ZNF83: variants seen among roughly 807,000 people sequenced by gnomAD.
ZNF83 encodes zinc finger protein 816B.
For synonymous variants in ZNF83, 209 were observed against 213.0 expected (o/e 0.98, Z 0.17); for missense variants, 552 against 629.9 (o/e 0.88, Z 1.32).
chr19:52,616,263 C>T (rs1418684653), intron 2 of ZNF83, among the ~76,000 whole-genome samples: 3 of 152,134 alleles, frequency 2.0e-5, no homozygotes, highest in Non-Finnish European at 4.4e-5. Flanking sequence ...TAGAGTAGGT[C>T]CACCAATTTA....
chr19:52,639,422 T>TTTCTTTC (rs1555786099), upstream of ZNF83, among the ~76,000 whole-genome samples: 8 of 139,978 alleles, frequency 5.7e-5, no homozygotes, highest in African/African-American at 2.1e-4. Context: ...TCTATTTTTT[T>TTTCTTTC]TTTTTTTTTT....
At chr19:52,670,329 T>C (rs2061708054) in intron 1 of ZNF83, among the ~76,000 whole-genome samples, 1 of 152,184 alleles carries the variant, frequency 6.6e-6, no homozygotes, top group Non-Finnish European at 1.5e-5. Context: ...GGAATTAGAT[T>C]AGCCTGTGTG....
chr19:52,652,068 T>C (rs888917806), intron 3 of ZNF83: 4 of 240,664 alleles, frequency 1.7e-5, no homozygotes, highest in South Asian at 6.1e-5. Flanking sequence ...CTAAAGACAT[T>C]GCCACACCTA....
At chr19:52,663,419 C>A (rs1333493048) in intron 1 of ZNF83, among the ~76,000 whole-genome samples, 3 of 152,204 alleles carry the variant, frequency 2.0e-5, no homozygotes, top group Non-Finnish European at 2.9e-5. Flanking sequence ...TCTGCTGGAA[C>A]AAGGTTCTAA....
chr19:52,679,604 G>A (rs755375651), intron 1 of ZNF83, among the ~76,000 whole-genome samples: 1 of 151,994 alleles, frequency 6.6e-6, no homozygotes, highest in Non-Finnish European at 1.5e-5. Context: ...GAGGGAGACT[G>A]TATCTCAAAA....
chr19:52,613,180 C>G lies in ZNF83; in HGVS notation c.1385G>C (p.Cys462Ser). The change falls in exon 3 of 3, where the codon TGT becomes TCT. Residue 462 changes from cysteine (C) to serine (S), a missense_variant. Cys to Ser is a moderately radical substitution (Grantham distance 112, BLOSUM62 -1). Transcript: ENST00000301096. ...TGAACGCATACTAAAAGCTTTGCCA[C>G]ATTCATTACATTTGAAAGGTTTCTC... The G allele has an allele frequency of 1.2e-6, 2 of 1,614,132 alleles. No homozygotes were observed. The highest frequency in any genetic ancestry group is 1.7e-6 in the Non-Finnish European group (2 of 1,180,036).
chr19:52,613,313 A>G lies in ZNF83; in HGVS notation c.1252T>C (p.Tyr418His), dbSNP rs1309091154. Reference sequence around the variant, plus strand: ...TCTCCAGTATGAATTCTCCAATGATATGCAAGGTATGAATTTTGACTGAAG... The same window carrying G: ...TCTCCAGTATGAATTCTCCAATGATGTGCAAGGTATGAATTTTGACTGAAG... Residue 418 changes from tyrosine to histidine, a missense_variant, in exon 3 of 3, where the codon TAT becomes CAT. Coordinates refer to ENST00000301096, the Ensembl canonical transcript of ZNF83. 11 of 1,614,028 alleles carry G rather than the reference A, an allele frequency of 6.8e-6. 1 individual carries two copies. Among genetic ancestry groups the G allele is most frequent in the Non-Finnish European group, 9.3e-6 (11 of 1,179,976 alleles).
At chr19:52,671,484 C>A (rs909399644) in intron 1 of ZNF83, among the ~76,000 whole-genome samples, 3 of 151,936 alleles carry the variant, frequency 2.0e-5, no homozygotes, top group African/African-American at 7.3e-5. Context: ...AGTTCTGTCA[C>A]CCCGGCTGGA....
At chr19:52,653,101 A>C (rs1200551420) in intron 3 of ZNF83, 2 of 1,471,410 alleles carry the variant, frequency 1.4e-6, no homozygotes, top group South Asian at 1.1e-5. Context: ...ATGAATTAGA[A>C]GGGATGAATT....
chr19:52,643,360 GAAAAA>G (rs35849256), upstream of ZNF83, among the ~76,000 whole-genome samples: 1 of 136,340 alleles, frequency 7.3e-6, no homozygotes, highest in Non-Finnish European at 1.6e-5. Context: ...GTCTCAAATA[GAAAAA>G]AAAAAAAAAG....
chr19:52,646,231 T>C (rs553953340), intron 3 of ZNF83, among the ~76,000 whole-genome samples: 11 of 152,252 alleles, frequency 7.2e-5, no homozygotes, highest in African/African-American at 2.4e-4. Context: ...TGAGCCACCA[T>C]GGTTTGATAT....
intron 1 of ZNF83, chr19:52,635,472 C>T: frequency 5.7e-6 from 1 of 174,646 alleles, no homozygotes; most frequent in Non-Finnish European, 1.2e-5. Flanking sequence ...GTCATCCCAG[C>T]ACTCTGGGAG....
intron 2 of ZNF83, among the ~76,000 whole-genome samples, chr19:52,619,321 C>T (rs1273829933): frequency 6.6e-6 from 1 of 152,112 alleles, no homozygotes; most frequent in Non-Finnish European, 1.5e-5. Flanking sequence ...GCCTGGTTCC[C>T]ATTATAGAAA....
exon 3 of ZNF83, chr19:52,612,408 CT>C (rs1428936037): frequency 6.6e-6 from 1 of 152,206 alleles, no homozygotes; most frequent in Non-Finnish European, 1.5e-5. Flanking sequence ...GAGTGGATCT[CT>C]CACGACAAAA....
chr19:52,686,968 G>C (rs1037270386), intron 1 of ZNF83, among the ~76,000 whole-genome samples: 3 of 151,902 alleles, frequency 2.0e-5, no homozygotes, highest in African/African-American at 7.2e-5. Flanking sequence ...GATCACCTGA[G>C]GTCAGGAGTT....
chr19:52,684,414 T>C (rs751680327), intron 1 of ZNF83, among the ~76,000 whole-genome samples: 5 of 151,728 alleles, frequency 3.3e-5, no homozygotes, highest in Non-Finnish European at 7.4e-5. Context: ...CCAGGTGTGG[T>C]GGCACACCCC....
chr19:52,630,679 T>G (rs1448815809), intron 2 of ZNF83, among the ~76,000 whole-genome samples: 1 of 151,928 alleles, frequency 6.6e-6, no homozygotes, highest in Non-Finnish European at 1.5e-5. Context: ...ATGGGACATC[T>G]CCACTCCTTC....
chr19:52,640,845 T>A (rs970561320), upstream of ZNF83, among the ~76,000 whole-genome samples: 6 of 152,212 alleles, frequency 3.9e-5, no homozygotes, highest in African/African-American at 1.4e-4. Context: ...TACAACATGT[T>A]GTTTTATCTT....
intron 1 of ZNF83, chr19:52,636,264 A>T (rs535895625): frequency 2.0e-5 from 3 of 152,302 alleles, no homozygotes; most frequent in African/African-American, 7.2e-5. Flanking sequence ...GCAGTTAAAG[A>T]TCATGCCACT....
Sources: gnomAD v4.1 joint callset for allele counts (sites outside exome capture counted in the v4.1 genomes callset) on GRCh38, gnomAD v4.1.1 for gene constraint, MANE v1.5 for transcripts, NCBI Gene and HGNC (gene_info 2026-07-23, HGNC 2026-07-21) for gene names.